The following C17orf99 variants were observed in gnomAD, a reference collection of about 807,000 sequenced individuals.
C17orf99 encodes protein IL-40.
C17orf99 carries 18 observed loss-of-function variants against 22.6 expected under a neutral mutation model. The observed-to-expected ratio is 0.80, with a 90% CI of 0.55 to 1.18. The LOEUF (loss-of-function observed/expected upper bound fraction) is 1.18, where lower values mean the gene tolerates loss of function less well. Among genes scored for constraint, C17orf99 ranks in the 50% most tolerant of loss-of-function variants. The probability of loss-of-function intolerance (pLI) is 0.00; values close to 1 mark genes in which losing one functional copy is unlikely to be tolerated. For synonymous variants in C17orf99, 147 were observed against 136.6 expected, an observed-to-expected ratio of 1.08 and a Z score of -0.53; for missense variants, 328 against 342.7, an observed-to-expected ratio of 0.96 and a Z score of 0.34.
intron 2 of C17orf99, among the ~76,000 whole-genome samples, chr17:78,151,385 C>G (rs1408276733): frequency 2.2e-5 from 3 of 135,990 alleles, no homozygotes; most frequent in Non-Finnish European, 4.6e-5. Context: ...GATCGTGCCA[C>G]TGCACTCCAG....
intron 2 of C17orf99, among the ~76,000 whole-genome samples, chr17:78,154,586 T>A (rs928721951): frequency 2.1e-5 from 3 of 140,526 alleles, no homozygotes; most frequent in Admixed American, 1.4e-4. Flanking sequence ...CTCACACCTG[T>A]AATCCCAGCA....
intron 2 of C17orf99, among the ~76,000 whole-genome samples, chr17:78,153,084 G>GAA (rs35788029): frequency 6.6e-6 from 1 of 150,414 alleles, no homozygotes; most frequent in Non-Finnish European, 1.5e-5. Context: ...CTGTCTCAAA[G>GAA]AAAAAAATAA....
intron 2 of C17orf99, chr17:78,158,096 G>A: frequency 2.1e-6 from 2 of 959,258 alleles, no homozygotes; most frequent in East Asian, 2.9e-5. Flanking sequence ...GCATGAGGGA[G>A]ACCTTGGCAA....
intron 4 of C17orf99, chr17:78,165,427 A>G (rs2075610229): frequency 1.0e-6 from 1 of 985,400 alleles, no homozygotes; most frequent in South Asian, 4.7e-5. Flanking sequence ...CTTCTGTAAA[A>G]TGGGGTACAG....
intron 4 of C17orf99, 68 bp from the exon 5 acceptor site, chr17:78,165,821 C>G (rs2075613066): frequency 1.6e-6 from 2 of 1,279,514 alleles, no homozygotes. Flanking sequence ...CGAACACTCT[C>G]AGACGCCTCG....
At chr17:78,165,365 A>G in intron 4 of C17orf99, 1 of 985,516 alleles carries the variant, frequency 1.0e-6, no homozygotes, top group Non-Finnish European at 1.2e-6. Context: ...TGTTCTTTCC[A>G]GAAGCCAGAC....
At chr17:78,164,068 C>T in intron 3 of C17orf99, 27 bp from the exon 4 acceptor site, 1 of 1,543,012 alleles carries the variant, frequency 6.5e-7, no homozygotes, top group Non-Finnish European at 8.8e-7. Context: ...TCAGCCATGC[C>T]TGTGCTACCT....
Position 78,163,098 on chromosome 17 carries a change from T to A in C17orf99, c.371-997T>A, listed in dbSNP as rs570423364. Among the ~76,000 whole-genome samples the A allele has an allele frequency of 4.3e-4, 65 of 152,300 alleles. No individual in the cohort carries two copies. In the South Asian group the frequency reaches 5.6e-3, roughly 13 times the overall value. ...CTGCACCCAGCCAATAGCAATTTTT[T>A]AAAAAATTAATCAGGTATGGTGGTG... On this transcript the variant is annotated intron_variant, in intron 3 of 4. Coordinates refer to ENST00000340363, the MANE Select transcript of C17orf99 (RefSeq NM_001163075.2).
At chr17:78,148,673 C>T (rs909869863) in intron 2 of C17orf99, among the ~76,000 whole-genome samples, 3 of 152,046 alleles carry the variant, frequency 2.0e-5, no homozygotes, top group East Asian at 1.9e-4. Flanking sequence ...CCGAAGGAGC[C>T]GACCGAGCAG....
intron 3 of C17orf99, 38 bp from the exon 4 acceptor site, chr17:78,164,057 C>G (rs75943924): frequency 1.1e-5 from 17 of 1,525,348 alleles, no homozygotes; most frequent in Non-Finnish European, 1.3e-5. Context: ...TTTAAAACCG[C>G]TCAGCCATGC....
chr17:78,157,910 G>A lies in C17orf99; in HGVS notation c.71-3045G>A, dbSNP rs2075541408. ...GACTGGCAAGCACGGCCATGCCAAG[G>A]TCCACCTGGTTGGTACTGACATCTT... On this transcript the variant is annotated intron_variant, in intron 2 of 4. Coordinates refer to ENST00000340363, the MANE Select transcript of C17orf99 (RefSeq NM_001163075.2). 58 of 1,167,474 alleles carry A rather than the reference G, an allele frequency of 5.0e-5. No homozygotes were observed. In the South Asian group the frequency reaches 6.9e-4, roughly 14 times the overall value. 72.3% of individuals were successfully genotyped at this position (1,167,474 alleles called of 1,614,324 possible). A position where few individuals can be genotyped will look rare whatever the true frequency, so the allele number is the denominator to read the frequency against.
chr17:78,150,384 T>C lies in C17orf99; in HGVS notation c.70+3473T>C, dbSNP rs939250137. Reference sequence around the variant, plus strand: ...GTCTTGAACTCCTGGCCTCAAGCAATCCTCCCTCTTTAGCCTCCCGAAGTG... The same window carrying C: ...GTCTTGAACTCCTGGCCTCAAGCAACCCTCCCTCTTTAGCCTCCCGAAGTG... On this transcript the variant is annotated intron_variant, in intron 2 of 4. Coordinates refer to ENST00000340363, the MANE Select transcript of C17orf99 (RefSeq NM_001163075.2). Among the ~76,000 whole-genome samples the C allele has an allele frequency of 2.0e-5, 3 of 152,126 alleles. No individual in the cohort carries two copies. The South Asian group carries it at 6.2e-4, about 31-fold the overall frequency.
At position 78,146,485 on chromosome 17, in the gene C17orf99, G is replaced by A. The variant is rs1339717023; in HGVS notation, c.37+41G>A. The A allele has an allele frequency of 6.5e-7, 1 of 1,542,332 alleles. No individual in the cohort carries two copies. The highest frequency in any genetic ancestry group is 8.8e-7 in the Non-Finnish European group (1 of 1,141,604). On this transcript the variant is annotated intron_variant, in intron 1 of 4. Transcript: ENST00000340363. This position sits in a 1 kb window ranked among gnomAD's most constrained non-coding sequence, Gnocchi z 5.2. Reference sequence around the variant, plus strand: ...ACGTGATGGTGGGGCTGCTGCTGGGGCCTTGAGGTCTTGGGCTCAGGTGGG... The same window carrying A: ...ACGTGATGGTGGGGCTGCTGCTGGGACCTTGAGGTCTTGGGCTCAGGTGGG...
intron 2 of C17orf99, among the ~76,000 whole-genome samples, chr17:78,149,403 A>G (rs2075461736): frequency 6.6e-6 from 1 of 151,280 alleles, no homozygotes; most frequent in Non-Finnish European, 1.5e-5. Flanking sequence ...GGCTAAATAA[A>G]GTGCAGCCTG....
Position 78,164,220 on chromosome 17 carries a change from G to C in C17orf99, c.496G>C (p.Gly166Arg), listed in dbSNP as rs1310553024. 5 of 1,551,588 alleles carry C rather than the reference G, an allele frequency of 3.2e-6. No individual in the cohort carries two copies. The highest frequency in any genetic ancestry group is 1.7e-6 in the Non-Finnish European group (2 of 1,146,992). Residue 166 changes from glycine to arginine, a missense_variant, in exon 4 of 5, where the codon GGG becomes CGG. Gly to Arg is a moderately radical substitution (Grantham distance 125). Transcript: ENST00000340363. ...CACCAACAGCCTGATCGGGAAGGATGGGCAGGTCCACCTGCAGCAGAGACC... is the reference window on the plus strand; with the variant it reads ...CACCAACAGCCTGATCGGGAAGGATCGGCAGGTCCACCTGCAGCAGAGACC... ...PITNSLIGKD[G>R]QVHLQQRPCH... is the part of the protein sequence containing the mutation.
At chr17:78,156,852 A>G (rs919507973) in intron 2 of C17orf99, among the ~76,000 whole-genome samples, 6 of 151,934 alleles carry the variant, frequency 3.9e-5, no homozygotes, top group African/African-American at 1.5e-4. Context: ...GGCTCAAGCA[A>G]TCCGTCCACC....
rs2075600175 is a variant in C17orf99, at chr17:78,164,225, G to C, written c.501G>C (p.Gln167His). 1 of 1,551,490 alleles carries C rather than the reference G, an allele frequency of 6.4e-7. No homozygotes were observed. Among genetic ancestry groups the C allele is most frequent in the Non-Finnish European group, 8.7e-7 (1 of 1,147,012 alleles). The change falls in exon 4 of 5, where the codon CAG becomes CAC. Residue 167 changes from glutamine (Q) to histidine (H), a missense_variant. Coordinates refer to ENST00000340363, the MANE Select transcript of C17orf99 (RefSeq NM_001163075.2). ...ITNSLIGKDG[Q>H]VHLQQRPCHR... Reference sequence around the variant, plus strand: ...ACAGCCTGATCGGGAAGGATGGGCAGGTCCACCTGCAGCAGAGACCATGCC... The same window carrying C: ...ACAGCCTGATCGGGAAGGATGGGCACGTCCACCTGCAGCAGAGACCATGCC...
intron 2 of C17orf99, among the ~76,000 whole-genome samples, chr17:78,156,893 G>T (rs965236597): frequency 6.9e-6 from 1 of 144,212 alleles, no homozygotes; most frequent in Admixed American, 6.9e-5. Context: ...GATTCCAGGC[G>T]CAGTGGCCAC....
intron 4 of C17orf99, 58 bp from the exon 5 acceptor site, chr17:78,165,831 G>C (rs1473223615): frequency 7.8e-7 from 1 of 1,278,484 alleles, no homozygotes; most frequent in Non-Finnish European, 1.0e-6. Flanking sequence ...CAGACGCCTC[G>C]GGAGGGGATG....
Sources: allele counts gnomAD v4.1 joint callset (sites outside exome capture counted in the v4.1 genomes callset), GRCh38; gene constraint gnomAD v4.1.1; non-coding constraint Gnocchi (gnomAD v3.1); transcripts MANE v1.5; gene names NCBI Gene and HGNC (gene_info 2026-07-23, HGNC 2026-07-21).